FHIT: variants seen among roughly 807,000 people sequenced by gnomAD.
FHIT encodes the protein fragile histidine triad diadenosine triphosphatase.
In FHIT, 19 loss-of-function variants were observed where a neutral mutation model predicts 17.9. The ratio of observed to expected loss-of-function variants is 1.06; its 90% CI spans 0.74 to 1.56. FHIT has a LOEUF of 1.56. Ranked by LOEUF, FHIT falls within the 40% of genes most tolerant of loss-of-function variation. The pLI, the probability that FHIT is intolerant of heterozygous loss-of-function variation, is 0.00. For missense variants in FHIT, 248 were observed against 189.2 expected (o/e 1.31, Z -1.82); for synonymous variants, 81 against 69.7 (o/e 1.16, Z -0.81).
intron 7 of FHIT, among the ~76,000 whole-genome samples, chr3:59,930,438 C>G (rs570593675): frequency 6.6e-6 from 1 of 152,122 alleles, no homozygotes; most frequent in Non-Finnish European, 1.5e-5. Flanking sequence ...GGGTGAGATA[C>G]CAGACAGATA....
chr3:61,020,352 G>A lies in FHIT; in HGVS notation c.-111+21695C>T, dbSNP rs1300688654. On this transcript the variant is annotated intron_variant, in intron 3 of 9. Coordinates refer to ENST00000492590, the MANE Select transcript of FHIT (RefSeq NM_002012.4). ...AAATGTCTTCTTTTGAGAAGTGTTT[G>A]TTCATATCCTTCACCCACTTTTTAT... 2.6e-5 allele frequency among the ~76,000 whole-genome samples: 4 copies of A among 152,242 alleles called. No individual in the cohort carries two copies. The East Asian group carries it at 7.7e-4, about 29-fold the overall frequency.
chr3:61,181,113 A>G (rs192847853), intron 2 of FHIT, among the ~76,000 whole-genome samples: 1,833 of 152,294 alleles, frequency 0.012, 42 homozygotes, highest in African/African-American at 0.042. Flanking sequence ...GACAAATCAC[A>G]TATTGGGGAC....
chr3:59,782,341 T>G (rs1427827855), intron 8 of FHIT, among the ~76,000 whole-genome samples: 1 of 152,154 alleles, frequency 6.6e-6, no homozygotes, highest in Non-Finnish European at 1.5e-5. Flanking sequence ...GTAATAAAGA[T>G]AGAGTTATTT....
At chr3:59,996,806 A>G (rs1200995791) in intron 7 of FHIT, among the ~76,000 whole-genome samples, 5 of 152,124 alleles carry the variant, frequency 3.3e-5, no homozygotes, top group Admixed American at 1.3e-4. Context: ...TTTGTCCACA[A>G]TGAGATTGAG....
intron 4 of FHIT, among the ~76,000 whole-genome samples, chr3:60,779,413 TCTGAACAATTATC>T (rs1700309782): frequency 6.6e-6 from 1 of 152,108 alleles, no homozygotes; most frequent in Non-Finnish European, 1.5e-5. Flanking sequence ...ATATTCTAGC[TCTGAACAATTATC>T]CTGCAAACCC....
At chr3:60,039,346 G>C (rs1362469444) in intron 5 of FHIT, among the ~76,000 whole-genome samples, 2 of 152,138 alleles carry the variant, frequency 1.3e-5, no homozygotes, top group Admixed American at 6.5e-5. Context: ...ATGGGGCTTT[G>C]GCATAAGAGC....
intron 4 of FHIT, among the ~76,000 whole-genome samples, chr3:60,664,239 A>C (rs1238096077): frequency 6.6e-6 from 1 of 151,956 alleles, no homozygotes; most frequent in Non-Finnish European, 1.5e-5. Context: ...TCCTCAATGA[A>C]TTTTCTTCTG....
intron 5 of FHIT, among the ~76,000 whole-genome samples, chr3:60,312,460 C>G: frequency 6.6e-6 from 1 of 152,192 alleles, no homozygotes; most frequent in East Asian, 1.9e-4. Flanking sequence ...GTATTTCTTA[C>G]TGAATTCTGT....
At chr3:60,627,108 T>G (rs1190048985) in intron 4 of FHIT, among the ~76,000 whole-genome samples, 1 of 152,206 alleles carries the variant, frequency 6.6e-6, no homozygotes, top group African/African-American at 2.4e-5. Flanking sequence ...TGAGGATTTT[T>G]ACATCTGTAT....
intron 2 of FHIT, among the ~76,000 whole-genome samples, chr3:61,175,182 T>TA (rs2038121329): frequency 6.6e-6 from 1 of 151,868 alleles, no homozygotes; most frequent in East Asian, 1.9e-4. Flanking sequence ...AGCACACATT[T>TA]AAAAAACAAT....
At chr3:60,698,688 C>G (rs2041169341) in intron 4 of FHIT, among the ~76,000 whole-genome samples, 1 of 152,126 alleles carries the variant, frequency 6.6e-6, no homozygotes, top group East Asian at 1.9e-4. Flanking sequence ...GCCATGCTTT[C>G]TTCACTGAGT....
intron 5 of FHIT, among the ~76,000 whole-genome samples, chr3:60,422,395 A>G (rs1702510307): frequency 2.0e-5 from 3 of 152,184 alleles, no homozygotes; most frequent in Non-Finnish European, 4.4e-5. Flanking sequence ...GTACCCAAAC[A>G]GGGCATAGAC....
Position 61,188,885 on chromosome 3 carries a change from C to T in FHIT, c.-164+11732G>A, listed in dbSNP as rs1039568791. On this transcript the variant is annotated intron_variant, in intron 2 of 9. Transcript: ENST00000492590. ...AGGCCTTTGACAAAATTCAACAACC[C>T]TTCATGCTAAAAACTCTCAAAAAAT... Among the ~76,000 whole-genome samples, 7 of 152,074 alleles carry T rather than the reference C, an allele frequency of 4.6e-5. No individual in the cohort carries two copies. The South Asian group carries it at 1.0e-3, about 23-fold the overall frequency.
In FHIT at chr3:60,660,624, AT is replaced by A. The variant is rs559702872; in HGVS notation, c.-17-123646del. ...TCTTCCCAGAATCCCCTCCTTATCA[AT>A]TTTTTTTATTTAGCCATTTTAATAG... On this transcript the variant is annotated intron_variant, in intron 4 of 9. Transcript: ENST00000492590. Among the ~76,000 whole-genome samples, 11 of 149,206 alleles carry A rather than the reference AT, an allele frequency of 7.4e-5. No homozygotes were observed. In the East Asian group the frequency reaches 8.0e-4, roughly 11 times the overall value.
chr3:61,045,606 C>T (rs1330186230), intron 2 of FHIT, among the ~76,000 whole-genome samples: 1 of 152,104 alleles, frequency 6.6e-6, no homozygotes, highest in East Asian at 1.9e-4. Flanking sequence ...CAAGGATATC[C>T]AGGAATAGAA....
chr3:60,986,452 C>T (rs1349957185), intron 3 of FHIT, among the ~76,000 whole-genome samples: 1 of 152,144 alleles, frequency 6.6e-6, no homozygotes, highest in Non-Finnish European at 1.5e-5. Context: ...AATAGGTAAA[C>T]AGTCTGAAAT....
chr3:60,148,022 A>T (rs1700313234), intron 5 of FHIT, among the ~76,000 whole-genome samples: 1 of 152,166 alleles, frequency 6.6e-6, no homozygotes, highest in Non-Finnish European at 1.5e-5. Flanking sequence ...TATTCTTTCC[A>T]TGGGATGTGC....
At chr3:59,796,296 T>A (rs998499361) in intron 8 of FHIT, among the ~76,000 whole-genome samples, 3 of 152,126 alleles carry the variant, frequency 2.0e-5, no homozygotes, top group African/African-American at 7.2e-5. Context: ...CCAGACCCAT[T>A]TGCGGGTCTC....
At chr3:60,092,258 G>C (rs1269805519) in intron 5 of FHIT, among the ~76,000 whole-genome samples, 1 of 152,084 alleles carries the variant, frequency 6.6e-6, no homozygotes, top group Non-Finnish European at 1.5e-5. Flanking sequence ...TATTGATTTG[G>C]TTATATCTGC....
Sources: gnomAD v4.1 joint callset for allele counts (sites outside exome capture counted in the v4.1 genomes callset) on GRCh38, gnomAD v4.1.1 for gene constraint, MANE v1.5 for transcripts, NCBI Gene and HGNC (gene_info 2026-07-23, HGNC 2026-07-21) for gene names.